Variants in BAAT observed in about 807,000 individuals in gnomAD.
BAAT encodes bile acid-CoA:amino acid N-acyltransferase, also known as bile acid CoA: amino acid N-acyltransferase (glycine N-choloyltransferase).
BAAT carries 13 observed loss-of-function variants against 18.9 expected under a neutral mutation model. The ratio of observed to expected loss-of-function variants is 0.69; its 90% confidence interval spans 0.45 to 1.10. The LOEUF is 1.10. BAAT is among the 50% of genes least tolerant of loss of function. BAAT has a pLI of 0.00. For synonymous variants in BAAT, 170 were observed against 190.7 expected (o/e 0.89, Z 0.89); for missense variants, 489 against 504.0 (o/e 0.97, Z 0.28).
chr9:101,376,844 A>G (rs1830056295), intron 1 of BAAT, among the ~76,000 whole-genome samples: 1 of 152,232 alleles, frequency 6.6e-6, no homozygotes, highest in African/African-American at 2.4e-5. Context: ...AGAGAAAGAG[A>G]AACATAGAAA....
rs1334867096 is a variant in BAAT, at chr9:101,362,339, C to A, written c.*89G>T. 3 of 1,307,536 alleles carry A rather than the reference C, an allele frequency of 2.3e-6. No homozygotes were observed. The highest frequency in any genetic ancestry group is 3.2e-6 in the Non-Finnish European group (3 of 925,436). The allele number at this position is 1,307,536 out of a possible 1,614,324, so 81.0% of individuals were successfully genotyped here. The stretch of plus-strand genomic sequence containing the variant: ...AAATTAATACAAAATGTGTGTGTGG[C>A]AGCTGGGGGAGACATTCCGCCATGA... On this transcript the variant is annotated 3_prime_UTR_variant, in exon 4 of 4. Coordinates refer to ENST00000259407, the MANE Select transcript of BAAT (RefSeq NM_001701.4).
intron 3 of BAAT, among the ~76,000 whole-genome samples, chr9:101,367,079 C>G (rs1384855445): frequency 7.3e-6 from 1 of 136,370 alleles, no homozygotes; most frequent in African/African-American, 2.8e-5. Flanking sequence ...GCCACTGCCT[C>G]TAGCCTAGGT....
intron 1 of BAAT, among the ~76,000 whole-genome samples, chr9:101,377,363 T>C (rs1421355647): frequency 1.3e-5 from 2 of 152,116 alleles, no homozygotes; most frequent in Non-Finnish European, 2.9e-5. Flanking sequence ...CCTGGGGCAA[T>C]GTGGAGACAG....
At chr9:101,384,431 G>T (rs1588146589) in intron 1 of BAAT, among the ~76,000 whole-genome samples, 1 of 152,026 alleles carries the variant, frequency 6.6e-6, no homozygotes, top group African/African-American at 2.4e-5. Flanking sequence ...ATACCTAAAA[G>T]GTTGGCAACA....
intron 1 of BAAT, among the ~76,000 whole-genome samples, chr9:101,375,061 G>T (rs186579233): frequency 6.6e-6 from 1 of 152,260 alleles, no homozygotes; most frequent in East Asian, 1.9e-4. Context: ...CACATGTTAA[G>T]GGCAGGGCCA....
chr9:101,374,802 G>A (rs1421650952), intron 1 of BAAT, among the ~76,000 whole-genome samples: 1 of 151,730 alleles, frequency 6.6e-6, no homozygotes, highest in Non-Finnish European at 1.5e-5. Context: ...TATATTCCCT[G>A]TTATTGTCTC....
intron 1 of BAAT, among the ~76,000 whole-genome samples, chr9:101,382,479 G>A (rs1487726751): frequency 6.6e-6 from 1 of 152,194 alleles, no homozygotes; most frequent in Admixed American, 6.5e-5. Flanking sequence ...GGAAAGGGGT[G>A]CAAGATGCCA....
chr9:101,365,304 C>G (rs1267215400), intron 3 of BAAT, among the ~76,000 whole-genome samples: 1 of 151,846 alleles, frequency 6.6e-6, no homozygotes, highest in Non-Finnish European at 1.5e-5. Context: ...GGGATATTTT[C>G]CCTACTACTT....
chr9:101,378,593 G>A (rs1830084386), intron 1 of BAAT, among the ~76,000 whole-genome samples: 1 of 152,148 alleles, frequency 6.6e-6, no homozygotes, highest in South Asian at 2.1e-4. Context: ...ATGGATTAAA[G>A]ACTTAAATGT....
intron 1 of BAAT, among the ~76,000 whole-genome samples, chr9:101,374,463 T>C (rs1033451688): frequency 6.6e-5 from 10 of 152,310 alleles, no homozygotes; most frequent in Admixed American, 5.9e-4. Context: ...GAACCAAGTT[T>C]CAGATATTTT....
At chr9:101,378,759 C>T (rs1377653463) in intron 1 of BAAT, among the ~76,000 whole-genome samples, 2 of 152,132 alleles carry the variant, frequency 1.3e-5, no homozygotes, top group Non-Finnish European at 2.9e-5. Context: ...AGCTTCTGTT[C>T]AGCAAAAGAA....
Position 101,371,055 on chromosome 9 carries a change from TTA to T in BAAT, c.348_349del (p.Asn116LysfsTer25). The T allele has an allele frequency of 6.2e-7, 1 of 1,613,972 alleles. No homozygotes were observed. On this transcript the variant is annotated frameshift_variant, in exon 2 of 4. Transcript: ENST00000259407. LOFTEE classifies it high-confidence loss of function. ...GCTGGCCTTTGGAGCACTGGCAACT[TTA>T]TTGTTCACTATTAACTCTAAGTCAT...
chr9:101,362,542 C>A lies in BAAT; in HGVS notation c.1143G>T (p.Arg381Ser), dbSNP rs1829746201. The change falls in exon 4 of 4, where the codon AGG becomes AGT. Residue 381 changes from arginine (R) to serine (S), a missense_variant. Physicochemically the swap from Arg to Ser is moderately radical, Grantham distance 110. Coordinates refer to ENST00000259407, the MANE Select transcript of BAAT (RefSeq NM_001701.4). ...LCCASTTHDLRLHWGGEVIPH... is the reference protein window; with the variant it reads ...LCCASTTHDLSLHWGGEVIPH... ...GGATCACCTCTCCTCCCCAGTGTAA[C>A]CTCAAATCGTGGGTCGTTGAGGCAC... The A allele has an allele frequency of 6.2e-7, 1 of 1,613,950 alleles. No individual in the cohort carries two copies. Among genetic ancestry groups the A allele is most frequent in the Non-Finnish European group, 8.5e-7 (1 of 1,180,018 alleles).
chr9:101,375,043 A>C (rs1320685077), intron 1 of BAAT, among the ~76,000 whole-genome samples: 2 of 152,180 alleles, frequency 1.3e-5, no homozygotes, highest in East Asian at 3.8e-4. Context: ...TTGAATTGTA[A>C]TAATCCCCAC....
At chr9:101,371,830 T>C (rs1243469908) in intron 1 of BAAT, among the ~76,000 whole-genome samples, 1 of 152,170 alleles carries the variant, frequency 6.6e-6, no homozygotes, top group Non-Finnish European at 1.5e-5. Context: ...TGGTTATTTA[T>C]TGAACGTTTA....
In BAAT at chr9:101,361,425, C is replaced by A. The variant is rs1455433962; in HGVS notation, c.*1003G>T. 6.6e-6 allele frequency: 1 copy of A among 152,604 alleles called. No homozygotes were observed. Among genetic ancestry groups the A allele is most frequent in the African/African-American group, 2.4e-5 (1 of 41,440 alleles). The allele number at this position is 152,604 out of a possible 1,614,324, so 9.5% of individuals were successfully genotyped here. ...TTTTTAATATTTGCAAAGGACTGTA[C>A]AGCAAACAACCATGTGGTTGAATTA... is the stretch of plus-strand genomic sequence containing the variant. On this transcript the variant is annotated 3_prime_UTR_variant, in exon 4 of 4. Transcript: ENST00000259407.
At chr9:101,384,597 C>A (rs566802735) in intron 1 of BAAT, among the ~76,000 whole-genome samples, 35 of 152,256 alleles carry the variant, frequency 2.3e-4, no homozygotes, top group Middle Eastern at 3.4e-3. Flanking sequence ...AGCAATTCTT[C>A]TTCTAGAGAA....
intron 3 of BAAT, among the ~76,000 whole-genome samples, chr9:101,363,945 G>C (rs1438092153): frequency 1.3e-5 from 2 of 152,090 alleles, no homozygotes; most frequent in African/African-American, 4.8e-5. Context: ...GGAGTTCAAG[G>C]CTTTAGTGAG....
At position 101,362,736 on chromosome 9, in the gene BAAT, G is replaced by A; in HGVS notation, c.949C>T (p.Gln317Ter). 1 of 1,614,148 alleles carries A rather than the reference G, an allele frequency of 6.2e-7. No individual in the cohort carries two copies. The highest frequency in any genetic ancestry group is 8.5e-7 in the Non-Finnish European group (1 of 1,180,030). ...CCTACAATGAAGAGGAATTGCCCCT[G>A]GGCCTCTTCAATAGGAAACAAATAT... ...SQYLFPIEEA[Q>*]GQFLFIVGEG... Residue 317 changes from glutamine (Q) to a stop codon, truncating the protein, a stop_gained, in exon 4 of 4, where the codon CAG (glutamine) becomes TAG (stop). Transcript: ENST00000259407. LOFTEE classifies it low-confidence loss of function (END_TRUNC).
Sources: gnomAD v4.1 joint callset for allele counts (sites outside exome capture counted in the v4.1 genomes callset) on GRCh38, gnomAD v4.1.1 for gene constraint, MANE v1.5 for transcripts, NCBI Gene and HGNC (gene_info 2026-07-23, HGNC 2026-07-21) for gene names.